Variants in TNKS observed in about 807,000 individuals in gnomAD.
The protein encoded by TNKS is poly [ADP-ribose] polymerase tankyrase-1.
Under a neutral mutation model 135.8 loss-of-function variants are expected in TNKS, and 72 were observed. The observed-to-expected ratio is 0.53, with a 90% confidence interval of 0.44 to 0.64. TNKS has a LOEUF of 0.64. TNKS is among the 30% of genes least tolerant of loss of function. The pLI is 0.00. For synonymous variants in TNKS, 849 were observed against 649.3 expected (o/e 1.31, Z -4.68); for missense variants, 1,769 against 1,674.0 (o/e 1.06, Z -0.99).
intron 2 of TNKS, among the ~76,000 whole-genome samples, chr8:9,588,713 C>T (rs1798482137): frequency 6.6e-6 from 1 of 152,126 alleles, no homozygotes; most frequent in Non-Finnish European, 1.5e-5. Flanking sequence ...TGACTTTGGG[C>T]AGATTATAAG....
rs1380909964 is a variant in TNKS at position 9,631,426 on chromosome 8, A to G, written c.994+15749A>G. ...TGCTTATAAGTCATAAAATGTACTGATGAAAAAGAAGCCATTGGTAATTAT... is the reference window on the plus strand; with the variant it reads ...TGCTTATAAGTCATAAAATGTACTGGTGAAAAAGAAGCCATTGGTAATTAT... On this transcript the variant is annotated intron_variant, in intron 3 of 26. Transcript: ENST00000310430. Among the ~76,000 whole-genome samples, 5 of 152,356 alleles carry G rather than the reference A, an allele frequency of 3.3e-5. No individual in the cohort carries two copies. The East Asian group carries it at 9.6e-4, about 29-fold the overall frequency.
chr8:9,773,528 G>A (rs1322029981), intron 26 of TNKS, among the ~76,000 whole-genome samples: 1 of 152,088 alleles, frequency 6.6e-6, no homozygotes, highest in Admixed American at 6.5e-5. Flanking sequence ...TTAAATATAA[G>A]TTATCTGTAG....
chr8:9,617,930 A>C (rs547384577), intron 3 of TNKS, among the ~76,000 whole-genome samples: 14 of 151,424 alleles, frequency 9.2e-5, no homozygotes, highest in African/African-American at 3.1e-4. Flanking sequence ...ACTGTGTACA[A>C]GTATTTATGT....
chr8:9,618,101 C>G (rs1209224966), intron 3 of TNKS, among the ~76,000 whole-genome samples: 1 of 151,342 alleles, frequency 6.6e-6, no homozygotes, highest in Non-Finnish European at 1.5e-5. Context: ...ATTCTTCTGC[C>G]TCAGCCTCCC....
intron 7 of TNKS, 111 bp from the exon 8 acceptor site, chr8:9,706,700 A>C: frequency 9.8e-7 from 1 of 1,018,480 alleles, no homozygotes; most frequent in Non-Finnish European, 1.4e-6. Context: ...AAATTAAAAC[A>C]CTTATTTGAA....
intron 6 of TNKS, among the ~76,000 whole-genome samples, chr8:9,704,972 C>T (rs1479216940): frequency 1.3e-5 from 2 of 152,056 alleles, no homozygotes; most frequent in East Asian, 3.9e-4. Flanking sequence ...ATTTTATCAC[C>T]GTTCTGTTAC....
At position 9,560,400 on chromosome 8, in the gene TNKS, A is replaced by G. The variant is rs571732170; in HGVS notation, c.673+3788A>G. Among the ~76,000 whole-genome samples the G allele has an allele frequency of 2.7e-5, 4 of 150,644 alleles. No homozygotes were observed. The South Asian group carries it at 8.4e-4, about 31-fold the overall frequency. ...GTTTTCTTTGTTGGGTTTTGTTTTT[A>G]ATGGTATCTACTACAATACATATTT... On this transcript the variant is annotated intron_variant, in intron 1 of 26. Coordinates refer to ENST00000310430, the MANE Select transcript of TNKS (RefSeq NM_003747.3).
intron 26 of TNKS, among the ~76,000 whole-genome samples, chr8:9,771,008 C>G (rs898481656): frequency 6.6e-6 from 1 of 152,010 alleles, no homozygotes; most frequent in Non-Finnish European, 1.5e-5. Flanking sequence ...TAAGGGTGGA[C>G]TGAAATTGGA....
At chr8:9,665,690 A>G (rs956058078) in intron 3 of TNKS, among the ~76,000 whole-genome samples, 2 of 152,128 alleles carry the variant, frequency 1.3e-5, no homozygotes, top group African/African-American at 4.8e-5. Context: ...CCTTTTCAGG[A>G]GTCACTGTTA....
At chr8:9,636,054 A>G (rs1800498072) in intron 3 of TNKS, among the ~76,000 whole-genome samples, 1 of 152,236 alleles carries the variant, frequency 6.6e-6, no homozygotes, top group Admixed American at 6.5e-5. Flanking sequence ...TTTTTAAAAA[A>G]TAGGCACTGA....
At chr8:9,722,967 C>G (rs1380765190) in intron 12 of TNKS, among the ~76,000 whole-genome samples, 1 of 151,824 alleles carries the variant, frequency 6.6e-6, no homozygotes, top group African/African-American at 2.4e-5. Context: ...ATACTGAATA[C>G]AAATGAAATA....
chr8:9,622,377 C>T (rs777642781), intron 3 of TNKS, among the ~76,000 whole-genome samples: 1 of 152,178 alleles, frequency 6.6e-6, no homozygotes, highest in Non-Finnish European at 1.5e-5. Context: ...GCTGACACCG[C>T]CTGAATCCTC....
chr8:9,725,123 T>A (rs1227257356), intron 12 of TNKS, among the ~76,000 whole-genome samples: 2 of 152,156 alleles, frequency 1.3e-5, no homozygotes, highest in Non-Finnish European at 2.9e-5. Flanking sequence ...TGCGGTAGTG[T>A]ATGTGCACAC....
intron 3 of TNKS, among the ~76,000 whole-genome samples, chr8:9,617,363 T>C (rs1404694901): frequency 6.6e-6 from 1 of 152,244 alleles, no homozygotes; most frequent in Non-Finnish European, 1.5e-5. Flanking sequence ...GTCATAATAC[T>C]GATTTAGAGT....
intron 13 of TNKS, among the ~76,000 whole-genome samples, chr8:9,727,122 A>G (rs1183599362): frequency 3.3e-5 from 5 of 152,178 alleles, no homozygotes; most frequent in Non-Finnish European, 4.4e-5. Flanking sequence ...CATTTGAAAG[A>G]ATATTTCTTG....
Position 9,766,229 on chromosome 8 carries a change from G to A in TNKS, c.3554-10G>A, listed in dbSNP as rs772086915. On this transcript the variant is annotated splice_polypyrimidine_tract_variant and intron_variant, in intron 24 of 26. Transcript: ENST00000310430. ...TTCAAAAACGAATCTTTCTGTCTTC[G>A]TATTTCTAGGTTCTCCTTTCATTAA... The A allele has an allele frequency of 7.5e-6, 12 of 1,590,130 alleles. No individual in the cohort carries two copies. Among genetic ancestry groups the A allele is most frequent in the Non-Finnish European group, 1.0e-5 (12 of 1,165,354 alleles).
At position 9,751,843 on chromosome 8, in the gene TNKS, G is replaced by A. The variant is rs1305737215; in HGVS notation, c.3067G>A (p.Glu1023Lys). 1 of 1,613,992 alleles carries A rather than the reference G, an allele frequency of 6.2e-7. No individual in the cohort carries two copies. The highest frequency in any genetic ancestry group is 8.5e-7 in the Non-Finnish European group (1 of 1,179,856). ...GAAGTERKEGEVAGLDMNISQ... is the reference protein window; with the variant it reads ...GAAGTERKEGKVAGLDMNISQ... ...CGCGGGAACAGAAAGGAAGGAAGGA[G>A]AAGGTGAGTAGACCCCATGAATGCT... Residue 1023 changes from glutamate (E) to lysine (K), a missense_variant, in exon 19 of 27, where the codon GAA (glutamate) becomes AAA (lysine). Glu to Lys is a moderately conservative substitution (Grantham distance 56). Coordinates refer to ENST00000310430, the MANE Select transcript of TNKS (RefSeq NM_003747.3).
At chr8:9,631,511 G>T (rs1037253630) in intron 3 of TNKS, among the ~76,000 whole-genome samples, 6 of 152,172 alleles carry the variant, frequency 3.9e-5, no homozygotes, top group Admixed American at 1.3e-4. Flanking sequence ...AAACTAATTT[G>T]GCATTCTATC....
chr8:9,683,598 G>GT (rs1802870648), intron 5 of TNKS, among the ~76,000 whole-genome samples: 1 of 151,704 alleles, frequency 6.6e-6, no homozygotes, highest in South Asian at 2.1e-4. Flanking sequence ...ATTTTGAAAT[G>GT]TTTTTGGAAA....
Sources: allele counts gnomAD v4.1 joint callset (sites outside exome capture counted in the v4.1 genomes callset), GRCh38; gene constraint gnomAD v4.1.1; transcripts MANE v1.5; gene names NCBI Gene and HGNC (gene_info 2026-07-23, HGNC 2026-07-21).